Variants in SULF1 observed in about 807,000 individuals in gnomAD.
SULF1 encodes sulfatase 1, also known as extracellular sulfatase Sulf-1.
Under a neutral mutation model 110.5 loss-of-function variants are expected in SULF1, and 46 were observed. The ratio of observed to expected loss-of-function variants is 0.42; its 90% confidence interval spans 0.33 to 0.53. The LOEUF (loss-of-function observed/expected upper bound fraction) is 0.53. SULF1 is among the 20% of genes least tolerant of loss of function. The probability of loss-of-function intolerance (pLI) is 0.12; values close to 1 mark genes in which losing one functional copy is unlikely to be tolerated. For missense variants in SULF1, 941 were observed against 1,094.2 expected, an observed-to-expected ratio of 0.86 and a Z score of 1.98; for synonymous variants, 371 against 387.1, an observed-to-expected ratio of 0.96 and a Z score of 0.49.
At chr8:69,482,787 A>G (rs761843582) in intron 1 of SULF1, among the ~76,000 whole-genome samples, 25 of 152,192 alleles carry the variant, frequency 1.6e-4, no homozygotes, top group Non-Finnish European at 4.4e-5. Context: ...TGTATAAATA[A>G]ACAGCTGATT....
Position 69,589,133 on chromosome 8 carries a change from C to T in SULF1, c.726C>T (p.Ser242=), listed in dbSNP as rs1806683714. The change falls in exon 8 of 23, where the codon TCC becomes TCT. Residue 242 remains serine, a synonymous_variant. Transcript: ENST00000402687. The stretch of plus-strand genomic sequence containing the variant: ...TTTCTAAACTGTACCCCAATGCTTC[C>T]CAACACATGTAAGTAACAAACTCAA... The part of the protein sequence containing the change: ...PQFSKLYPNA[S]QHITPSYNYA... The T allele has an allele frequency of 6.2e-7, 1 of 1,613,284 alleles. No homozygotes were observed. The highest frequency in any genetic ancestry group is 1.3e-5 in the African/African-American group (1 of 74,896).
intron 13 of SULF1, among the ~76,000 whole-genome samples, chr8:69,616,156 G>GTATATATACATATATATGTGTATATAAA (rs1809109372): frequency 6.9e-6 from 1 of 144,158 alleles, no homozygotes. Flanking sequence ...ATATGTGTGT[G>GTATATATACATATATATGTGTATATAAA]TATATATACA....
chr8:69,562,037 G>A (rs903902767), intron 3 of SULF1, among the ~76,000 whole-genome samples: 4 of 152,196 alleles, frequency 2.6e-5, no homozygotes, highest in Admixed American at 6.5e-5. Flanking sequence ...ACAGGGCTGC[G>A]TTATCAATTG....
intron 3 of SULF1, among the ~76,000 whole-genome samples, chr8:69,524,226 G>A (rs956292111): frequency 2.0e-5 from 3 of 151,996 alleles, no homozygotes; most frequent in Admixed American, 1.3e-4. Flanking sequence ...CTGATTCAAC[G>A]GTATGTTCAT....
intron 3 of SULF1, among the ~76,000 whole-genome samples, chr8:69,551,612 A>C (rs762685798): frequency 3.9e-5 from 6 of 152,186 alleles, no homozygotes; most frequent in Admixed American, 2.0e-4. Context: ...ATAGAAAATA[A>C]TCCTATCTTG....
At chr8:69,646,348 G>A (rs111917359) in intron 22 of SULF1, among the ~76,000 whole-genome samples, 42 of 152,166 alleles carry the variant, frequency 2.8e-4, no homozygotes, top group South Asian at 1.5e-3. Flanking sequence ...GTGGTCCAGC[G>A]CTCTTCTGAA....
intron 5 of SULF1, among the ~76,000 whole-genome samples, chr8:69,565,030 T>C (rs370832244): frequency 3.3e-5 from 5 of 152,298 alleles, no homozygotes; most frequent in African/African-American, 1.2e-4. Flanking sequence ...ACCGAGCTCC[T>C]GAGGCTCAGG....
At chr8:69,600,810 C>T in intron 9 of SULF1, 57 bp downstream of exon 9, 1 of 1,551,858 alleles carries the variant, frequency 6.4e-7, no homozygotes. Context: ...TTTGTGTAGA[C>T]TTATTCTTGC....
intron 3 of SULF1, among the ~76,000 whole-genome samples, chr8:69,525,800 C>T (rs1812618985): frequency 6.6e-6 from 1 of 152,152 alleles, no homozygotes; most frequent in South Asian, 2.1e-4. Context: ...AGGGAGCTTA[C>T]ATTCTCAGAT....
At chr8:69,634,829 T>G (rs1011375953) in intron 19 of SULF1, among the ~76,000 whole-genome samples, 3 of 151,738 alleles carry the variant, frequency 2.0e-5, no homozygotes, top group African/African-American at 4.9e-5. Flanking sequence ...CTTTTTGAGA[T>G]GGAGTTTCAC....
In SULF1 at chr8:69,467,491, A is replaced by G. The variant is rs571212391; in HGVS notation, c.-391+541A>G. 1.7e-4 allele frequency among the ~76,000 whole-genome samples: 26 copies of G among 152,358 alleles called. No homozygotes were observed. The South Asian group carries it at 5.4e-3, about 32-fold the overall frequency. On this transcript the variant is annotated intron_variant, in intron 1 of 22. Coordinates refer to the SULF1 transcript ENST00000260128. ...CTCTGAAGTTTGGAAACTCCTGAAG[A>G]GAAGGGGCTACCCTCTGAACAGCCA...
intron 10 of SULF1, among the ~76,000 whole-genome samples, chr8:69,602,425 TG>T (rs1380291777): frequency 6.6e-6 from 1 of 152,220 alleles, no homozygotes; most frequent in African/African-American, 2.4e-5. Flanking sequence ...AAAATGGGAT[TG>T]CATCCATGAA....
At chr8:69,564,326 T>A (rs1261369069) in intron 5 of SULF1, among the ~76,000 whole-genome samples, 179 bp downstream of exon 5, 1 of 152,160 alleles carries the variant, frequency 6.6e-6, no homozygotes, top group Non-Finnish European at 1.5e-5. Flanking sequence ...TCAGCATTAC[T>A]TTTCTGATGT....
intron 10 of SULF1, among the ~76,000 whole-genome samples, chr8:69,602,918 A>G (rs1039168257): frequency 8.5e-5 from 13 of 152,190 alleles, no homozygotes; most frequent in African/African-American, 3.1e-4. Context: ...TGCAAAAACC[A>G]TGTATCAGGC....
At chr8:69,542,802 A>G (rs569368793) in intron 3 of SULF1, among the ~76,000 whole-genome samples, 2 of 152,332 alleles carry the variant, frequency 1.3e-5, no homozygotes, top group South Asian at 4.1e-4. Context: ...AAAATGACGG[A>G]GCAGGAGTGA....
intron 3 of SULF1, among the ~76,000 whole-genome samples, chr8:69,547,605 T>C (rs955861230): frequency 6.6e-6 from 1 of 152,188 alleles, no homozygotes; most frequent in African/African-American, 2.4e-5. Context: ...TTCAGGGTAA[T>C]ATCAACTCAC....
chr8:69,594,019 C>T (rs985114129), intron 8 of SULF1, among the ~76,000 whole-genome samples: 2 of 152,066 alleles, frequency 1.3e-5, no homozygotes, highest in South Asian at 2.1e-4. Context: ...TGAACTATGC[C>T]CCTGTCAGCT....
At chr8:69,573,305 A>G (rs933094515) in intron 5 of SULF1, among the ~76,000 whole-genome samples, 1 of 152,212 alleles carries the variant, frequency 6.6e-6, no homozygotes, top group African/African-American at 2.4e-5. Context: ...GATGATACTG[A>G]GAATGAGAGG....
At chr8:69,542,594 A>G (rs935589887) in intron 3 of SULF1, among the ~76,000 whole-genome samples, 2 of 151,954 alleles carry the variant, frequency 1.3e-5, no homozygotes, top group Middle Eastern at 3.2e-3. Context: ...AAATTAGAAC[A>G]AGTATGTGAA....
Sources: allele counts gnomAD v4.1 joint callset (sites outside exome capture counted in the v4.1 genomes callset), GRCh38; gene constraint gnomAD v4.1.1; transcripts MANE v1.5; gene names NCBI Gene and HGNC (gene_info 2026-07-23, HGNC 2026-07-21).